Variants in ALDH8A1 observed in about 807,000 individuals in gnomAD.
ALDH8A1 encodes aldehyde dehydrogenase 8 family member A1.
In ALDH8A1, 39 loss-of-function variants were observed where a neutral mutation model predicts 43.3. The ratio of observed to expected loss-of-function variants is 0.90; its 90% CI spans 0.70 to 1.18. The LOEUF is 1.18. ALDH8A1 is among the 50% of genes most tolerant of loss of function. The pLI is 0.00. For synonymous variants in ALDH8A1, 233 were observed against 243.5 expected (o/e 0.96, Z 0.40); for missense variants, 605 against 622.6 (o/e 0.97, Z 0.30).
chr6:134,932,045 C>T (rs551276669), intron 5 of ALDH8A1, among the ~76,000 whole-genome samples: 157 of 152,246 alleles, frequency 1.0e-3, no homozygotes, highest in African/African-American at 3.7e-3. Context: ...TAAAAATATC[C>T]TTTGAAGAAA....
chr6:134,934,596 C>A (rs1471925871), intron 4 of ALDH8A1, among the ~76,000 whole-genome samples: 1 of 152,128 alleles, frequency 6.6e-6, no homozygotes, highest in Non-Finnish European at 1.5e-5. Flanking sequence ...GCTAAGGCTG[C>A]CATTTTTTGA....
chr6:134,926,765 C>G (rs1395953201), intron 6 of ALDH8A1, among the ~76,000 whole-genome samples: 1 of 151,706 alleles, frequency 6.6e-6, no homozygotes, highest in Non-Finnish European at 1.5e-5. Flanking sequence ...GCCAAGACCA[C>G]GCCATTGCAC....
rs747990200 is a variant in ALDH8A1, at chr6:134,942,387, GCT to G, written c.442+20_442+21del. On this transcript the variant is annotated intron_variant, in intron 3 of 6. Transcript: ENST00000265605. ...ATCTGCAAGCATAACCGGGAGGTGG[GCT>G]CTCACTGAACAGCACTCACCGACTC... is the stretch of plus-strand genomic sequence containing the variant. 12 of 1,569,794 alleles carry G rather than the reference GCT, an allele frequency of 7.6e-6. No individual in the cohort carries two copies. The highest frequency in any genetic ancestry group is 9.6e-6 in the Non-Finnish European group (11 of 1,151,058).
intron 1 of ALDH8A1, among the ~76,000 whole-genome samples, chr6:134,949,455 C>G (rs1774005980): frequency 6.6e-6 from 1 of 152,072 alleles, no homozygotes; most frequent in African/African-American, 2.4e-5. Flanking sequence ...GAAGACATGA[C>G]AAATTATGAG....
chr6:134,932,628 A>G (rs887121871), intron 5 of ALDH8A1, 148 bp downstream of exon 5: 9 of 1,142,416 alleles, frequency 7.9e-6, no homozygotes, highest in Non-Finnish European at 1.1e-5. Flanking sequence ...TTGAGCAGAG[A>G]GTTAAGGGAA....
intron 1 of ALDH8A1, among the ~76,000 whole-genome samples, chr6:134,945,604 C>T (rs1773936199): frequency 1.3e-5 from 2 of 152,304 alleles, no homozygotes; most frequent in South Asian, 4.1e-4. Context: ...TCTCACTCCT[C>T]TCCTTTCTCA....
At chr6:134,925,825 T>C (rs530403429) in intron 6 of ALDH8A1, among the ~76,000 whole-genome samples, 10 of 152,278 alleles carry the variant, frequency 6.6e-5, no homozygotes, top group African/African-American at 2.2e-4. Context: ...AGGAAAGCCC[T>C]CATTCAGGTG....
At position 134,937,091 on chromosome 6, in the gene ALDH8A1, G is replaced by A. The variant is rs192632030; in HGVS notation, c.592+2175C>T. On this transcript the variant is annotated intron_variant, in intron 4 of 6. Coordinates refer to ENST00000265605, the MANE Select transcript of ALDH8A1 (RefSeq NM_022568.4). ...ACCTAATGGGAAGGGCCAGGAAAACGCAGTCAGTGGGCACTCCAGGAATGA... is the reference window on the plus strand; with the variant it reads ...ACCTAATGGGAAGGGCCAGGAAAACACAGTCAGTGGGCACTCCAGGAATGA... 1.7e-4 allele frequency among the ~76,000 whole-genome samples: 26 copies of A among 152,162 alleles called. No individual in the cohort carries two copies. The East Asian group carries it at 2.7e-3, about 16-fold the overall frequency.
At position 134,932,894 on chromosome 6, in the gene ALDH8A1, G is replaced by A. The variant is rs868654678; in HGVS notation, c.731C>T (p.Ala244Val). The A allele has an allele frequency of 1.2e-6, 2 of 1,614,226 alleles. No homozygotes were observed. Among genetic ancestry groups the A allele is most frequent in the South Asian group, 1.1e-5 (1 of 91,086 alleles). Residue 244 changes from alanine to valine, a missense_variant, in exon 5 of 7, where the codon GCT becomes GTT. By Grantham distance (64) the Ala-to-Val change is moderately conservative. Transcript: ENST00000265605. ...CAGGGAGAGCTTTTTGCAGTGGGGA[G>A]CGCTCAGCTGGGTGATCCGCTCAGC... ...PTAERITQLS[A>V]PHCKKLSLEL...
In ALDH8A1 at chr6:134,929,036, T is replaced by C; in HGVS notation, c.1011+18A>G. ...ATAAGAACTTATTCTGTAACTTACA[T>C]GGCAGAAATTTACTTACTTTCTCCA... On this transcript the variant is annotated intron_variant, in intron 6 of 6. Transcript: ENST00000265605. 1 of 1,612,582 alleles carries C rather than the reference T, an allele frequency of 6.2e-7. No homozygotes were observed. Among genetic ancestry groups the C allele is most frequent in the Non-Finnish European group, 8.5e-7 (1 of 1,179,200 alleles).
rs188907215 is a variant in ALDH8A1, at chr6:134,930,272, G to A, written c.850-1057C>T. Among the ~76,000 whole-genome samples, 559 of 152,246 alleles carry A rather than the reference G, an allele frequency of 3.7e-3. 8 individuals carry two copies. Among genetic ancestry groups the A allele is most frequent in the East Asian group, 5.4e-3 (28 of 5,176 alleles). ...GCAAGGAAGGGAGAGGGAGGGAAACGAGAGCTCTGATTTGGACACGCTGGG... is the reference window on the plus strand; with the variant it reads ...GCAAGGAAGGGAGAGGGAGGGAAACAAGAGCTCTGATTTGGACACGCTGGG... On this transcript the variant is annotated intron_variant, in intron 5 of 6. Coordinates refer to ENST00000265605, the MANE Select transcript of ALDH8A1 (RefSeq NM_022568.4).
At position 134,939,426 on chromosome 6, in the gene ALDH8A1, A is replaced by G. The variant is rs1387603483; in HGVS notation, c.443-11T>C. On this transcript the variant is annotated splice_polypyrimidine_tract_variant and intron_variant, in intron 3 of 6. Coordinates refer to ENST00000265605, the MANE Select transcript of ALDH8A1 (RefSeq NM_022568.4). Reference sequence around the variant, plus strand: ...GGCTGATCAGACCAGCTAAGGGATGAGAGCAGAAGCACTGCCTGTGACGGC... The same window carrying G: ...GGCTGATCAGACCAGCTAAGGGATGGGAGCAGAAGCACTGCCTGTGACGGC... The G allele has an allele frequency of 1.2e-6, 2 of 1,613,142 alleles. No individual in the cohort carries two copies. The highest frequency in any genetic ancestry group is 2.2e-5 in the South Asian group (2 of 90,992).
At chr6:134,947,862 A>C (rs1773981200) in intron 1 of ALDH8A1, among the ~76,000 whole-genome samples, 1 of 152,140 alleles carries the variant, frequency 6.6e-6, no homozygotes, top group Non-Finnish European at 1.5e-5. Context: ...AAAAAATAAA[A>C]ATAGAACAAC....
intron 6 of ALDH8A1, among the ~76,000 whole-genome samples, chr6:134,925,533 A>G (rs993745184): frequency 3.9e-5 from 6 of 152,204 alleles, no homozygotes; most frequent in African/African-American, 1.4e-4. Context: ...GGATACCTTA[A>G]ATTTGGAGGA....
intron 3 of ALDH8A1, chr6:134,940,275 TC>T: frequency 3.6e-6 from 1 of 278,034 alleles, no homozygotes. Context: ...ACTAAACAGT[TC>T]CAGAATGTGA....
intron 1 of ALDH8A1, among the ~76,000 whole-genome samples, chr6:134,946,768 G>A (rs1773957469): frequency 6.7e-6 from 1 of 149,638 alleles, no homozygotes; most frequent in East Asian, 1.9e-4. Context: ...ATGCACACAG[G>A]TGCGCATGTG....
At position 134,939,890 on chromosome 6, in the gene ALDH8A1, C is replaced by T. The variant is rs552704333; in HGVS notation, c.443-475G>A. On this transcript the variant is annotated intron_variant, in intron 3 of 6. Transcript: ENST00000265605. ...ATATACACAATGGAATACAATGCAGCCATAAAAAGGAACGAGATCATGTCC... is the reference window on the plus strand; with the variant it reads ...ATATACACAATGGAATACAATGCAGTCATAAAAAGGAACGAGATCATGTCC... Among the ~76,000 whole-genome samples the T allele has an allele frequency of 3.0e-4, 45 of 152,242 alleles. 1 individual carries two copies. Among genetic ancestry groups the T allele is most frequent in the South Asian group, 1.5e-3 (7 of 4,814 alleles).
chr6:134,943,977 C>T lies in ALDH8A1; in HGVS notation c.139-11G>A, dbSNP rs781436226. 1 of 1,612,264 alleles carries T rather than the reference C, an allele frequency of 6.2e-7. No homozygotes were observed. The highest frequency in any genetic ancestry group is 1.1e-5 in the South Asian group (1 of 90,756). Reference sequence around the variant, plus strand: ...GACCGCGGCTTCGATCTTTGAGGAGCAAATGGGAGAAAGGGTCACCTTAAA... The same window carrying T: ...GACCGCGGCTTCGATCTTTGAGGAGTAAATGGGAGAAAGGGTCACCTTAAA... On this transcript the variant is annotated splice_polypyrimidine_tract_variant and intron_variant, in intron 1 of 6. Transcript: ENST00000265605.
intron 1 of ALDH8A1, among the ~76,000 whole-genome samples, chr6:134,947,854 A>AC (rs1312544816): frequency 8.9e-5 from 10 of 112,780 alleles, no homozygotes; most frequent in East Asian, 2.6e-4. Flanking sequence ...CAAAAAAAAA[A>AC]AAATAAAAAT....
Sources: gnomAD v4.1 joint callset for allele counts (sites outside exome capture counted in the v4.1 genomes callset) on GRCh38, gnomAD v4.1.1 for gene constraint, MANE v1.5 for transcripts, NCBI Gene and HGNC (gene_info 2026-07-23, HGNC 2026-07-21) for gene names.